ASAP1: variants seen among roughly 807,000 people sequenced by gnomAD.
ASAP1 encodes arf-GAP with SH3 domain, ANK repeat and PH domain-containing protein 1.
ASAP1 carries 43 observed loss-of-function variants against 145.2 expected under a neutral mutation model. The ratio of observed to expected loss-of-function variants is 0.30; its 90% confidence interval spans 0.23 to 0.38. The LOEUF (loss-of-function observed/expected upper bound fraction) is 0.38. Among genes scored for constraint, ASAP1 ranks in the 10% least tolerant of loss-of-function variants. ASAP1 has a pLI of 1.00. For missense variants in ASAP1, 1,018 were observed against 1,355.3 expected (o/e 0.75, Z 3.91); for synonymous variants, 546 against 515.5 (o/e 1.06, Z -0.80).
intron 3 of ASAP1, among the ~76,000 whole-genome samples, chr8:130,356,095 C>T (rs1565240729): frequency 6.6e-6 from 1 of 152,042 alleles, no homozygotes; most frequent in Admixed American, 6.5e-5. Context: ...AAAATATTTG[C>T]TTTTAAATTT....
Position 130,058,023 on chromosome 8 carries a change from G to A in ASAP1, c.3246C>T (p.Asn1082=), listed in dbSNP as rs150929534. 1.1e-4 allele frequency: 184 copies of A among 1,614,188 alleles called. No individual in the cohort carries two copies. Among genetic ancestry groups the A allele is most frequent in the Middle Eastern group, 4.9e-4 (3 of 6,062 alleles). ...CCTCGATGAATGTGAGCTCGTCATC[G>A]TTGTCTGCCTGGCAGTCATAAATGG... ...VKTIYDCQAD[N]DDELTFIEGE... is the part of the protein sequence containing the mutation. The change falls in exon 29 of 30, where the codon AAC becomes AAT. Residue 1082 remains asparagine, a synonymous_variant. Transcript: ENST00000518721.
intron 12 of ASAP1, among the ~76,000 whole-genome samples, chr8:130,158,895 C>T (rs1329807700): frequency 3.3e-5 from 5 of 152,020 alleles, no homozygotes; most frequent in African/African-American, 4.8e-5. Flanking sequence ...CCATGCCTGG[C>T]TAATTTTTTG....
intron 3 of ASAP1, among the ~76,000 whole-genome samples, chr8:130,260,570 G>A (rs1489261795): frequency 6.6e-6 from 1 of 152,162 alleles, no homozygotes; most frequent in African/African-American, 2.4e-5. Context: ...ACTAAATCTG[G>A]GTGTGGCTCC....
intron 3 of ASAP1, among the ~76,000 whole-genome samples, chr8:130,280,925 C>T (rs1397719583): frequency 6.6e-6 from 1 of 152,138 alleles, no homozygotes; most frequent in Non-Finnish European, 1.5e-5. Context: ...CTAACAGTCA[C>T]TGATCTGTCT....
At chr8:130,399,934 C>T (rs1828706023) in intron 2 of ASAP1, among the ~76,000 whole-genome samples, 1 of 151,858 alleles carries the variant, frequency 6.6e-6, no homozygotes, top group Admixed American at 6.6e-5. Flanking sequence ...ATTCTCCTGC[C>T]TCAGCCTCCC....
intron 4 of ASAP1, among the ~76,000 whole-genome samples, chr8:130,235,215 GT>G (rs1230905444): frequency 6.6e-6 from 1 of 151,962 alleles, no homozygotes; most frequent in Non-Finnish European, 1.5e-5. Flanking sequence ...GTATACTATG[GT>G]TTATTTAATA....
At chr8:130,122,324 G>A (rs1238455915) in intron 18 of ASAP1, among the ~76,000 whole-genome samples, 2 of 152,216 alleles carry the variant, frequency 1.3e-5, no homozygotes, top group East Asian at 3.8e-4. Context: ...ACTGGCTGAA[G>A]TAGGGAAGCT....
At chr8:130,140,116 T>G (rs2097606816) in intron 13 of ASAP1, among the ~76,000 whole-genome samples, 1 of 150,936 alleles carries the variant, frequency 6.6e-6, no homozygotes, top group Non-Finnish European at 1.5e-5. Context: ...CACTGCAGTC[T>G]CAACCTCCTA....
At chr8:130,435,067 C>A (rs548841172) in intron 1 of ASAP1, among the ~76,000 whole-genome samples, 1 of 152,098 alleles carries the variant, frequency 6.6e-6, no homozygotes, top group Non-Finnish European at 1.5e-5. Flanking sequence ...CAAGACTGAC[C>A]CCTTACCCCT....
At chr8:130,290,776 C>A (rs955399596) in intron 3 of ASAP1, among the ~76,000 whole-genome samples, 2 of 152,218 alleles carry the variant, frequency 1.3e-5, no homozygotes, top group Non-Finnish European at 2.9e-5. Context: ...AATGATGATA[C>A]TCCTCCTTCC....
In ASAP1 at chr8:130,130,476, G is replaced by A. The variant is rs2097581303; in HGVS notation, c.1218-2386C>T. Among the ~76,000 whole-genome samples the A allele has an allele frequency of 3.9e-5, 6 of 152,250 alleles. No homozygotes were observed. In the South Asian group the frequency reaches 1.2e-3, roughly 32 times the overall value. On this transcript the variant is annotated intron_variant, in intron 15 of 29. Coordinates refer to ENST00000518721, the MANE Select transcript of ASAP1 (RefSeq NM_018482.4). ...TAGAGAAAATAATTCAAATTTGGTG[G>A]AATGAAATGGCTAAATTTCAAAAGG...
Position 130,124,100 on chromosome 8 carries a change from G to A in ASAP1, c.1520C>T (p.Ala507Val). ...DKLGTSELLL[A>V]KNVGNNSFND... ...AAAACTATTGTTTCCTACATTCTTGGCCAGCTGTAACAGAAAAAACAAACA... is the reference window on the plus strand; with the variant it reads ...AAAACTATTGTTTCCTACATTCTTGACCAGCTGTAACAGAAAAAACAAACA... Residue 507 changes from alanine to valine, a missense_variant, in exon 18 of 30, where the codon GCC becomes GTC. Physicochemically the swap from Ala to Val is moderately conservative, Grantham distance 64. This residue lies in a region of ASAP1 where 153 missense variants were observed against 221.6 expected (regional missense o/e 0.69). Transcript: ENST00000518721. 1 of 1,599,430 alleles carries A rather than the reference G, an allele frequency of 6.3e-7. No individual in the cohort carries two copies. The highest frequency in any genetic ancestry group is 8.5e-7 in the Non-Finnish European group (1 of 1,175,572).
chr8:130,341,687 T>A (rs1455716468), intron 3 of ASAP1, among the ~76,000 whole-genome samples: 1 of 152,212 alleles, frequency 6.6e-6, no homozygotes, highest in Non-Finnish European at 1.5e-5. Context: ...AATAATTCCG[T>A]GTCTTCAACT....
At chr8:130,194,091 TTG>T (rs1202047133) in intron 5 of ASAP1, among the ~76,000 whole-genome samples, 7 of 152,222 alleles carry the variant, frequency 4.6e-5, no homozygotes, top group Non-Finnish European at 1.0e-4. Flanking sequence ...ACACACATTC[TTG>T]AGGGCTGATA....
chr8:130,314,681 G>A (rs950948945), intron 3 of ASAP1, among the ~76,000 whole-genome samples: 4 of 152,322 alleles, frequency 2.6e-5, no homozygotes, highest in Admixed American at 1.3e-4. Flanking sequence ...CTGCAAAAAC[G>A]TGCTTCACAG....
At chr8:130,311,619 G>C in intron 3 of ASAP1, among the ~76,000 whole-genome samples, 1 of 151,942 alleles carries the variant, frequency 6.6e-6, no homozygotes, top group African/African-American at 2.4e-5. Context: ...AAATTAGCTG[G>C]GCATGGTGGC....
chr8:130,439,745 G>T (rs1216100707), intron 1 of ASAP1, among the ~76,000 whole-genome samples: 2 of 152,216 alleles, frequency 1.3e-5, no homozygotes, highest in Non-Finnish European at 2.9e-5. Flanking sequence ...CCCGCAGGGG[G>T]AAGAACGTAA....
At chr8:130,311,783 T>G (rs1026775729) in intron 3 of ASAP1, among the ~76,000 whole-genome samples, 1 of 75,470 alleles carries the variant, frequency 1.3e-5, no homozygotes, top group Non-Finnish European at 2.7e-5. Flanking sequence ...AAAGGCAAAA[T>G]AAGTGATATA....
intron 4 of ASAP1, among the ~76,000 whole-genome samples, chr8:130,223,991 A>T (rs1359531130): frequency 1.3e-5 from 2 of 152,142 alleles, no homozygotes; most frequent in Admixed American, 1.3e-4. Flanking sequence ...TTCAGGATTC[A>T]CCCTGACTCT....
Sources: gnomAD v4.1 joint callset for allele counts (sites outside exome capture counted in the v4.1 genomes callset) on GRCh38, gnomAD v4.1.1 for gene constraint, gnomAD v4.1.1 regional missense constraint, MANE v1.5 for transcripts, NCBI Gene and HGNC (gene_info 2026-07-23, HGNC 2026-07-21) for gene names.